SLC29A4: variants seen among roughly 807,000 people sequenced by gnomAD.
SLC29A4 encodes equilibrative nucleoside transporter 4.
Under a neutral mutation model 43.9 loss-of-function variants are expected in SLC29A4, and 36 were observed. That is an observed-to-expected ratio of 0.82 (90% confidence interval 0.63 to 1.08). SLC29A4 has a LOEUF of 1.08. Among genes scored for constraint, SLC29A4 ranks in the 50% least tolerant of loss-of-function variants. The pLI is 0.00. For missense variants in SLC29A4, 869 were observed against 755.3 expected (o/e 1.15, Z -1.77); for synonymous variants, 491 against 338.0 (o/e 1.45, Z -4.97).
intron 1 of SLC29A4, among the ~76,000 whole-genome samples, chr7:5,286,778 G>C (rs1784979051): frequency 6.6e-6 from 1 of 152,214 alleles, no homozygotes; most frequent in Admixed American, 6.5e-5. Flanking sequence ...GTGCCACACA[G>C]ACCTGGGTTG....
chr7:5,289,957 C>T (rs910399728), intron 2 of SLC29A4, among the ~76,000 whole-genome samples: 1 of 152,112 alleles, frequency 6.6e-6, no homozygotes, highest in African/African-American at 2.4e-5. Context: ...CCAACCTTGG[C>T]TCACTGCAAC....
In SLC29A4 at chr7:5,303,822, T is replaced by TG. The variant is rs1311816274; in HGVS notation, c.*888dup. ...GGGTCCCTGGAACGTAGGGAGGGGC[T>TG]GGGGGTCAGTCCAGCCCGGGCCTCC... On this transcript the variant is annotated 3_prime_UTR_variant, in exon 11 of 11. Coordinates refer to ENST00000396872, the MANE Select transcript of SLC29A4 (RefSeq NM_153247.4). 6.6e-6 allele frequency: 1 copy of TG among 152,204 alleles called. No individual in the cohort carries two copies. Among genetic ancestry groups the TG allele is most frequent in the Non-Finnish European group, 1.5e-5 (1 of 68,086 alleles). 9.4% of individuals were successfully genotyped at this position (152,204 alleles called of 1,614,324 possible). A position where few individuals can be genotyped will look rare whatever the true frequency, so the allele number is the denominator to read the frequency against.
intron 2 of SLC29A4, among the ~76,000 whole-genome samples, chr7:5,289,486 GGGCAGGAGCTTCTT>G (rs1335734196): frequency 6.6e-6 from 1 of 152,096 alleles, no homozygotes; most frequent in African/African-American, 2.4e-5. Context: ...TGGAACCCAC[GGGCAGGAGCTTCTT>G]GGAGTCTCTG....
chr7:5,288,445 C>T lies in SLC29A4; in HGVS notation c.169+460C>T, dbSNP rs190462134. 9.1e-3 allele frequency among the ~76,000 whole-genome samples: 1,389 copies of T among 151,914 alleles called. 17 individuals are homozygous for T. Among genetic ancestry groups the T allele is most frequent in the East Asian group, 0.013 (68 of 5,154 alleles). On this transcript the variant is annotated intron_variant, in intron 2 of 10. Transcript: ENST00000396872. ...TCAGCCTCCCAAGTAGCTGGGACGG[C>T]AGGTGCCTGCCACCGTGCCCAGCTA... is the stretch of plus-strand genomic sequence containing the variant.
At chr7:5,289,217 C>A (rs193250594) in intron 2 of SLC29A4, among the ~76,000 whole-genome samples, 132 of 151,872 alleles carry the variant, frequency 8.7e-4, no homozygotes, top group Middle Eastern at 6.8e-3. Flanking sequence ...AACAACCTGG[C>A]AAAATCTCGT....
At chr7:5,291,574 C>G in intron 4 of SLC29A4, 119 bp from the exon 5 acceptor site, 15 of 1,353,538 alleles carry the variant, frequency 1.1e-5, no homozygotes, top group Non-Finnish European at 1.5e-5. Context: ...GCATCCCTGG[C>G]CCTCCTTAAA....
At chr7:5,301,677 C>T (rs1340895809) in intron 10 of SLC29A4, among the ~76,000 whole-genome samples, 5 of 152,202 alleles carry the variant, frequency 3.3e-5, no homozygotes, top group African/African-American at 1.2e-4. Flanking sequence ...AGGAGGTCAA[C>T]GTGGCACTGG....
In SLC29A4 at chr7:5,306,394, C is replaced by G. The variant is rs1315401731; in HGVS notation, c.*3455C>G. 6.6e-6 allele frequency: 1 copy of G among 151,730 alleles called. No homozygotes were observed. Among genetic ancestry groups the G allele is most frequent in the Non-Finnish European group, 1.5e-5 (1 of 67,962 alleles). The allele number at this position is 151,730 out of a possible 1,614,324, so 9.4% of individuals were successfully genotyped here. ...ATTTTTAGTAGAGACGGGGTTTCACCACATTGCTCAGGCTGGTCTGAAACT... is the reference window on the plus strand; with the variant it reads ...ATTTTTAGTAGAGACGGGGTTTCACGACATTGCTCAGGCTGGTCTGAAACT... On this transcript the variant is annotated 3_prime_UTR_variant, in exon 11 of 11. Coordinates refer to ENST00000396872, the MANE Select transcript of SLC29A4 (RefSeq NM_153247.4).
intron 6 of SLC29A4, among the ~76,000 whole-genome samples, chr7:5,296,526 A>G (rs1256289633): frequency 1.7e-5 from 1 of 58,116 alleles, no homozygotes; most frequent in Non-Finnish European, 3.2e-5. Context: ...GGGGCTGGGA[A>G]GGGAGGTGGG....
In SLC29A4 at chr7:5,302,910, G is replaced by A. The variant is rs368286409; in HGVS notation, c.1564G>A (p.Ala522Thr). 34 of 1,607,896 alleles carry A rather than the reference G, an allele frequency of 2.1e-5. No individual in the cohort carries two copies. Among genetic ancestry groups the A allele is most frequent in the African/African-American group, 1.5e-4 (11 of 74,896 alleles). Residue 522 changes from alanine (A) to threonine (T), a missense_variant, in exon 11 of 11, where the codon GCC becomes ACC. Ala to Thr is a moderately conservative substitution (Grantham distance 58). Transcript: ENST00000396872. ...AHGSCLHAST[A>T]NGSILAGL is the part of the protein sequence containing the mutation. The stretch of plus-strand genomic sequence containing the variant: ...CGGCAGCTGCCTGCACGCCTCCACC[G>A]CCAATGGTTCCATCCTCGCAGGCCT...
At chr7:5,286,522 CAAAA>C (rs57020511) in intron 1 of SLC29A4, among the ~76,000 whole-genome samples, 1 of 114,768 alleles carries the variant, frequency 8.7e-6, no homozygotes, top group African/African-American at 4.0e-5. Context: ...GACTCCATCT[CAAAA>C]AAAAAAAAGA....
chr7:5,291,507 G>A (rs542955648), intron 4 of SLC29A4, among the ~76,000 whole-genome samples, 186 bp from the exon 5 acceptor site: 8 of 152,318 alleles, frequency 5.3e-5, no homozygotes, highest in Admixed American at 3.9e-4. Context: ...TTCAAGGCCC[G>A]GCTCAAATGG....
intron 2 of SLC29A4, 142 bp from the exon 3 acceptor site, chr7:5,290,590 T>C (rs1238526217): frequency 2.8e-6 from 3 of 1,086,236 alleles, no homozygotes; most frequent in Non-Finnish European, 3.8e-6. Context: ...ATGACAGAGG[T>C]ATCTGGAACA....
intron 6 of SLC29A4, 122 bp from the exon 7 acceptor site, chr7:5,296,814 G>A: frequency 8.7e-7 from 1 of 1,145,144 alleles, no homozygotes; most frequent in Non-Finnish European, 1.2e-6. Flanking sequence ...GGTGGGGGCA[G>A]GGCCTGTGGT....
chr7:5,299,093 C>T lies in SLC29A4; in HGVS notation c.988C>T (p.Pro330Ser). The T allele has an allele frequency of 6.2e-7, 1 of 1,610,568 alleles. No individual in the cohort carries two copies. Among genetic ancestry groups the T allele is most frequent in the South Asian group, 1.1e-5 (1 of 90,936 alleles). Residue 330 changes from proline (P) to serine (S), a missense_variant, in exon 8 of 11, where the codon CCA (proline) becomes TCA (serine). Transcript: ENST00000396872. ...GAYMRFDVPR[P>S]RVQRSWPTFR... is the part of the protein sequence containing the mutation. ...CTACATGCGCTTTGATGTGCCGCGG[C>T]CAAGGGTCCAGCGCAGCTGGCCCAC... is the stretch of plus-strand genomic sequence containing the variant.
chr7:5,283,470 CG>C (rs1219665408), intron 1 of SLC29A4, among the ~76,000 whole-genome samples: 2 of 152,026 alleles, frequency 1.3e-5, no homozygotes, highest in Non-Finnish European at 2.9e-5. Context: ...GCCTGGGCTC[CG>C]GGGTCACCTC....
intron 3 of SLC29A4, 116 bp from the exon 4 acceptor site, chr7:5,291,008 A>AGGGCAGCCACTCACCCTCTGT (rs1307900509): frequency 6.6e-7 from 1 of 1,522,838 alleles, no homozygotes. Flanking sequence ...GAGTGACCTC[A>AGGGCAGCCACTCACCCTCTGT]GGGCAGCCAC....
At position 5,291,149 on chromosome 7, in the gene SLC29A4, C is replaced by G; in HGVS notation, c.327C>G (p.Ser109Arg). ...GGACCTCCATCGTGTTTGACATGAG[C>G]CTCACCTACATCTTGGTGGCACTGG... is the stretch of plus-strand genomic sequence containing the variant. ...YPGTSIVFDMSLTYILVALAA... is the reference protein window; with the variant it reads ...YPGTSIVFDMRLTYILVALAA... Residue 109 changes from serine (S) to arginine (R), a missense_variant, in exon 4 of 11, where the codon AGC becomes AGG. By Grantham distance (110) the Ser-to-Arg change is moderately radical. Coordinates refer to ENST00000396872, the MANE Select transcript of SLC29A4 (RefSeq NM_153247.4). The G allele has an allele frequency of 6.2e-7, 1 of 1,613,930 alleles. No homozygotes were observed. The highest frequency in any genetic ancestry group is 8.5e-7 in the Non-Finnish European group (1 of 1,180,028).
chr7:5,298,531 C>T (rs1408981229), intron 7 of SLC29A4, among the ~76,000 whole-genome samples: 2 of 152,144 alleles, frequency 1.3e-5, no homozygotes, highest in African/African-American at 2.4e-5. Context: ...GTGGCTCACA[C>T]CTGCAATCCC....
Sources: allele counts gnomAD v4.1 joint callset (sites outside exome capture counted in the v4.1 genomes callset), GRCh38; gene constraint gnomAD v4.1.1; transcripts MANE v1.5; gene names NCBI Gene and HGNC (gene_info 2026-07-23, HGNC 2026-07-21).